Variants in RBM27 observed in about 807,000 individuals in gnomAD.
RBM27 encodes the protein RNA binding motif protein 27, also known as RNA-binding protein 27.
A neutral mutation model predicts 135.3 loss-of-function variants in RBM27; 22 were observed. The observed-to-expected ratio is 0.16, with a 90% CI of 0.12 to 0.23. The LOEUF is 0.23. Ranked by LOEUF, RBM27 falls within the 10% of genes least tolerant of loss-of-function variation. RBM27 has a pLI of 1.00. For synonymous variants in RBM27, 481 were observed against 442.4 expected (o/e 1.09, Z -1.10); for missense variants, 1,009 against 1,281.0 (o/e 0.79, Z 3.24).
intron 17 of RBM27, among the ~76,000 whole-genome samples, chr5:146,270,661 G>A (rs1263227646): frequency 6.6e-6 from 1 of 152,086 alleles, no homozygotes; most frequent in African/African-American, 2.4e-5. Context: ...TGTTTCATTT[G>A]TGATACTTTA....
chr5:146,280,549 ATCTT>A (rs1759297306), intron 19 of RBM27, among the ~76,000 whole-genome samples: 1 of 152,196 alleles, frequency 6.6e-6, no homozygotes, highest in Non-Finnish European at 1.5e-5. Context: ...GCCTCTATCT[ATCTT>A]CTCTCCTTCT....
rs778603117 is a variant in RBM27 at position 146,237,371 on chromosome 5, A to C, written c.1218A>C (p.Ala406=). ...GGACAAGTGCAGTGCCCAATCTTGC[A>C]TCAGTGGGAACAAGACTACCTCCTC... The part of the protein sequence containing the change: ...QPGTSAVPNL[A]SVGTRLPPPL... Residue 406 remains alanine (A), a synonymous_variant, in exon 8 of 21, where the codon GCA becomes GCC. Coordinates refer to ENST00000265271, the MANE Select transcript of RBM27 (RefSeq NM_018989.2). The C allele has an allele frequency of 2.5e-6, 4 of 1,614,014 alleles. No homozygotes were observed. Among genetic ancestry groups the C allele is most frequent in the Non-Finnish European group, 3.4e-6 (4 of 1,179,874 alleles).
intron 2 of RBM27, 26 bp downstream of exon 2, chr5:146,219,129 G>A: frequency 6.9e-7 from 1 of 1,445,858 alleles, no homozygotes. Context: ...CTTCAATCGA[G>A]TATTGAAGTA....
chr5:146,249,371 A>T (rs1026263134), intron 8 of RBM27, among the ~76,000 whole-genome samples: 3 of 151,916 alleles, frequency 2.0e-5, no homozygotes, highest in African/African-American at 7.3e-5. Context: ...GCTTACAACT[A>T]TTTGTTCCCC....
At chr5:146,223,081 T>C (rs780666820) in intron 2 of RBM27, among the ~76,000 whole-genome samples, 8 of 152,222 alleles carry the variant, frequency 5.3e-5, no homozygotes, top group Admixed American at 1.3e-4. Context: ...CAGTATTCTT[T>C]CTTTTTATAG....
intron 2 of RBM27, among the ~76,000 whole-genome samples, chr5:146,219,479 C>T (rs1219899073): frequency 6.6e-6 from 1 of 152,108 alleles, no homozygotes; most frequent in Non-Finnish European, 1.5e-5. Flanking sequence ...GATGGGGCTT[C>T]TTAATATCCA....
chr5:146,229,126 C>T (rs1004456204), intron 4 of RBM27, 89 bp downstream of exon 4: 1 of 869,436 alleles, frequency 1.2e-6, no homozygotes, highest in African/African-American at 1.7e-5. Context: ...AATATATATA[C>T]TTACTCCTCT....
At chr5:146,265,275 A>C (rs2126867114) in intron 14 of RBM27, among the ~76,000 whole-genome samples, 1 of 152,332 alleles carries the variant, frequency 6.6e-6, no homozygotes, top group Admixed American at 6.5e-5. Context: ...AGAATGAAGA[A>C]TATTTTTATA....
intron 1 of RBM27, 34 bp from the exon 2 acceptor site, chr5:146,218,951 T>A: frequency 2.8e-6 from 4 of 1,416,646 alleles, no homozygotes; most frequent in Non-Finnish European, 3.9e-6. Flanking sequence ...AAAAAGTGTT[T>A]TTTAAAATTT....
At chr5:146,240,718 A>G (rs542317205) in intron 8 of RBM27, among the ~76,000 whole-genome samples, 2 of 152,260 alleles carry the variant, frequency 1.3e-5, no homozygotes, top group African/African-American at 4.8e-5. Flanking sequence ...GATTTTTTTT[A>G]ATATATGTAA....
At chr5:146,249,446 G>A (rs1581196638) in intron 8 of RBM27, among the ~76,000 whole-genome samples, 1 of 151,970 alleles carries the variant, frequency 6.6e-6, no homozygotes, top group South Asian at 2.1e-4. Context: ...AGAAGTTTGG[G>A]AGGCCGAGGT....
At chr5:146,251,559 G>T in intron 8 of RBM27, 152 bp from the exon 9 acceptor site, 1 of 708,116 alleles carries the variant, frequency 1.4e-6, no homozygotes, top group Non-Finnish European at 2.3e-6. Context: ...TCTTTCTTGA[G>T]TTAGAAAGAA....
intron 19 of RBM27, among the ~76,000 whole-genome samples, chr5:146,280,981 C>T (rs1443476581): frequency 6.6e-6 from 1 of 152,064 alleles, no homozygotes; most frequent in Non-Finnish European, 1.5e-5. Context: ...CCTCAGCCTA[C>T]CTAGTAGCTG....
chr5:146,263,779 A>C (rs980355527), intron 14 of RBM27, 148 bp downstream of exon 14: 20 of 1,029,628 alleles, frequency 1.9e-5, no homozygotes, highest in Non-Finnish European at 2.7e-5. Flanking sequence ...TTTCAGTCAG[A>C]AATTTGCTGG....
chr5:146,260,942 G>T (rs765473701), intron 12 of RBM27, 44 bp downstream of exon 12: 1 of 1,546,828 alleles, frequency 6.5e-7, no homozygotes, highest in South Asian at 1.2e-5. Flanking sequence ...CATTTTATGG[G>T]TCTTGGGAAT....
rs1343130895 is a variant in RBM27, at chr5:146,203,809, A to G, written c.44A>G (p.Lys15Arg). The G allele has an allele frequency of 8.0e-6, 11 of 1,375,256 alleles. No individual in the cohort carries two copies. Among genetic ancestry groups the G allele is most frequent in the Non-Finnish European group, 1.1e-5 (11 of 1,035,702 alleles). The allele number at this position is 1,375,256 out of a possible 1,614,324, so 85.2% of individuals were successfully genotyped here. The part of the protein sequence containing the change: ...DVDALKSWLA[K>R]LLEPICDADP... ...GATGCCCTCAAGTCCTGGCTGGCCA[A>G]GTTACTGGAGCCGATGTGAGTGAGC... The change falls in exon 1 of 21, where the codon AAG (lysine) becomes AGG (arginine). Residue 15 changes from lysine to arginine, a missense_variant. Lys to Arg is a conservative substitution (Grantham distance 26). Transcript: ENST00000265271.
Position 146,249,926 on chromosome 5 carries a change from T to G in RBM27, c.1280-1785T>G, listed in dbSNP as rs180897500. 2.0e-4 allele frequency among the ~76,000 whole-genome samples: 30 copies of G among 152,216 alleles called. 1 individual carries two copies. The East Asian group carries it at 5.6e-3, about 28-fold the overall frequency. On this transcript the variant is annotated intron_variant, in intron 8 of 20. Transcript: ENST00000265271. ...CCTAGGTATTAAGCCCAACATCCATTAGAAATGTAAATTTTAAAAGGGTTA... is the reference window on the plus strand; with the variant it reads ...CCTAGGTATTAAGCCCAACATCCATGAGAAATGTAAATTTTAAAAGGGTTA...
At chr5:146,246,564 C>CCTCTTG (rs1268517164) in intron 8 of RBM27, among the ~76,000 whole-genome samples, 2 of 152,086 alleles carry the variant, frequency 1.3e-5, no homozygotes, top group East Asian at 3.9e-4. Context: ...GTAGTCCCAG[C>CCTCTTG]CTCTTGGGAG....
intron 13 of RBM27, among the ~76,000 whole-genome samples, chr5:146,262,085 A>T (rs1259608054): frequency 6.6e-6 from 1 of 152,168 alleles, no homozygotes; most frequent in Non-Finnish European, 1.5e-5. Flanking sequence ...TACATACCTT[A>T]AAGTTTGAGA....
Sources: allele counts gnomAD v4.1 joint callset (sites outside exome capture counted in the v4.1 genomes callset), GRCh38; gene constraint gnomAD v4.1.1; transcripts MANE v1.5; gene names NCBI Gene and HGNC (gene_info 2026-07-23, HGNC 2026-07-21).